The following GFPT2 variants were observed in gnomAD, a reference collection of about 807,000 sequenced individuals.
GFPT2 encodes glutamine--fructose-6-phosphate aminotransferase [isomerizing] 2.
A neutral mutation model predicts 85.6 loss-of-function variants in GFPT2; 62 were observed. The ratio of observed to expected loss-of-function variants is 0.72; its 90% CI spans 0.59 to 0.90. The LOEUF is 0.90. GFPT2 is among the 40% of genes least tolerant of loss of function. GFPT2 has a pLI of 0.00. For missense variants in GFPT2, 788 were observed against 893.4 expected (o/e 0.88, Z 1.50); for synonymous variants, 368 against 344.5 (o/e 1.07, Z -0.75).
chr5:180,306,782 T>C (rs1456463244), intron 16 of GFPT2, among the ~76,000 whole-genome samples: 2 of 152,182 alleles, frequency 1.3e-5, no homozygotes, highest in African/African-American at 2.4e-5. Context: ...TTGAGTGAGA[T>C]ACTTAAGCTT....
chr5:180,345,020 A>T (rs570898399), intron 1 of GFPT2, among the ~76,000 whole-genome samples: 9 of 152,134 alleles, frequency 5.9e-5, no homozygotes, highest in African/African-American at 2.2e-4. Flanking sequence ...CCCACCTCGA[A>T]CCCCAGCTCC....
chr5:180,333,593 C>T (rs13164734), intron 4 of GFPT2, among the ~76,000 whole-genome samples: 13,690 of 152,254 alleles, frequency 0.09, 1,048 homozygotes, highest in African/African-American at 0.21. Context: ...TCATCTCAGT[C>T]TATGATCCTA....
chr5:180,312,543 G>T lies in GFPT2; in HGVS notation c.1433C>A (p.Ala478Asp). ...GPEIGVASTK[A>D]YTSQFISLVM... is the part of the protein sequence containing the mutation. ...CAGAGAGATGAACTGACTGGTATAAGCCTGTGCACAAAGAAGGAGGTGGCA... is the reference window on the plus strand; with the variant it reads ...CAGAGAGATGAACTGACTGGTATAATCCTGTGCACAAAGAAGGAGGTGGCA... Residue 478 changes from alanine to aspartate, a missense_variant and splice_region_variant, in exon 15 of 19, where the codon GCT becomes GAT. Ala to Asp is a moderately radical substitution (Grantham distance 126). Coordinates refer to ENST00000253778, the MANE Select transcript of GFPT2 (RefSeq NM_005110.4). The T allele has an allele frequency of 1.3e-6, 2 of 1,528,220 alleles. No homozygotes were observed. The highest frequency in any genetic ancestry group is 1.8e-6 in the Non-Finnish European group (2 of 1,103,708). The allele number at this position is 1,528,220 out of a possible 1,614,324, so 94.7% of individuals were successfully genotyped here.
At chr5:180,335,634 G>C (rs894078949) in intron 4 of GFPT2, among the ~76,000 whole-genome samples, 194 bp downstream of exon 4, 1 of 152,220 alleles carries the variant, frequency 6.6e-6, no homozygotes, top group African/African-American at 2.4e-5. Context: ...CCTAGGACCA[G>C]GCTGCCTGCC....
At chr5:180,322,429 A>C (rs906609614) in intron 9 of GFPT2, among the ~76,000 whole-genome samples, 1 of 152,152 alleles carries the variant, frequency 6.6e-6, no homozygotes, top group Non-Finnish European at 1.5e-5. Flanking sequence ...TATTTTTGTT[A>C]AAATTTACTC....
chr5:180,311,091 ATTCTC>A (rs1763872279), intron 15 of GFPT2, among the ~76,000 whole-genome samples: 3 of 152,146 alleles, frequency 2.0e-5, no homozygotes, highest in Non-Finnish European at 4.4e-5. Context: ...GGAATTGACC[ATTCTC>A]TATGATGGCC....
rs191541390 is a variant in GFPT2, at chr5:180,310,020, C to A, written c.1546+2410G>T. Among the ~76,000 whole-genome samples, 258 of 151,610 alleles carry A rather than the reference C, an allele frequency of 1.7e-3. 2 individuals carry two copies. The highest frequency in any genetic ancestry group is 6.1e-3 in the African/African-American group (250 of 41,294). On this transcript the variant is annotated intron_variant, in intron 15 of 18. Transcript: ENST00000253778. ...AGAGACGGGGTTTCACCATGTTAGC[C>A]AGGATGGTCTCGATCTCCTGACCTC...
chr5:180,308,826 CT>C (rs756074624), intron 15 of GFPT2, among the ~76,000 whole-genome samples: 12 of 151,720 alleles, frequency 7.9e-5, no homozygotes, highest in Non-Finnish European at 1.8e-4. Flanking sequence ...ATAAAATGTT[CT>C]TTAAAAATCA....
intron 4 of GFPT2, 161 bp from the exon 5 acceptor site, chr5:180,331,714 G>A: frequency 1.5e-6 from 1 of 652,450 alleles, no homozygotes; most frequent in Admixed American, 2.5e-5. Flanking sequence ...GTTTACGGCA[G>A]CAACTACAGT....
At chr5:180,326,498 CAAT>C (rs147273369) in intron 7 of GFPT2, among the ~76,000 whole-genome samples, 1,617 of 152,302 alleles carry the variant, frequency 0.011, 49 homozygotes, top group East Asian at 0.1. Flanking sequence ...TTTTCTTCAA[CAAT>C]AACAGACCTT....
chr5:180,307,445 C>T (rs916228443), intron 15 of GFPT2, 142 bp from the exon 16 acceptor site: 5 of 774,626 alleles, frequency 6.5e-6, no homozygotes, highest in African/African-American at 1.7e-5. Flanking sequence ...TCGTTTCAAA[C>T]GTAGATTACA....
Position 180,330,086 on chromosome 5 carries a change from C to A in GFPT2, c.534+614G>T, listed in dbSNP as rs967840336. On this transcript the variant is annotated intron_variant, in intron 6 of 18. Coordinates refer to ENST00000253778, the MANE Select transcript of GFPT2 (RefSeq NM_005110.4). This position sits in a 1 kb window ranked among gnomAD's most constrained non-coding sequence, Gnocchi z 4.4. ...TGTAAATCCCAGCATTTTGGGAGGC[C>A]AAGGCAGGTGGATCACTTAAAGTCA... Among the ~76,000 whole-genome samples, 2 of 152,318 alleles carry A rather than the reference C, an allele frequency of 1.3e-5. No homozygotes were observed. Among genetic ancestry groups the A allele is most frequent in the Middle Eastern group, 3.4e-3 (1 of 294 alleles).
intron 9 of GFPT2, among the ~76,000 whole-genome samples, chr5:180,319,876 T>C (rs1303630886): frequency 6.6e-6 from 1 of 151,954 alleles, no homozygotes; most frequent in Non-Finnish European, 1.5e-5. Context: ...ACCCAGACAA[T>C]GGGAAACTCA....
intron 1 of GFPT2, among the ~76,000 whole-genome samples, chr5:180,344,682 C>A (rs1023411256): frequency 6.6e-6 from 1 of 152,190 alleles, no homozygotes; most frequent in Non-Finnish European, 1.5e-5. Context: ...TTCTGCTTTC[C>A]ACCGGTGCTT....
intron 7 of GFPT2, among the ~76,000 whole-genome samples, 159 bp from the exon 8 acceptor site, chr5:180,325,054 A>G (rs1764188602): frequency 6.6e-6 from 1 of 152,144 alleles, no homozygotes; most frequent in Admixed American, 6.5e-5. Context: ...CACAGGATGG[A>G]AAGGCCAGCT....
At chr5:180,320,392 T>G (rs576288348) in intron 9 of GFPT2, among the ~76,000 whole-genome samples, 109 of 152,314 alleles carry the variant, frequency 7.2e-4, no homozygotes, top group African/African-American at 2.5e-3. Context: ...ATTTTAAGTT[T>G]GAAAAGTTGC....
At chr5:180,338,046 G>C (rs1047486472) in intron 2 of GFPT2, among the ~76,000 whole-genome samples, 1 of 152,188 alleles carries the variant, frequency 6.6e-6, no homozygotes, top group Non-Finnish European at 1.5e-5. Flanking sequence ...GGTCGCCTGA[G>C]CCCAGGAGCT....
At chr5:180,312,589 T>A (rs895243705) in intron 14 of GFPT2, 45 bp from the exon 15 acceptor site, 4 of 1,012,334 alleles carry the variant, frequency 4.0e-6, no homozygotes, top group Admixed American at 3.4e-5. Flanking sequence ...TTTCACTTTT[T>A]AAATCAACTT....
chr5:180,336,845 C>T (rs535498338), intron 2 of GFPT2, among the ~76,000 whole-genome samples: 1 of 152,268 alleles, frequency 6.6e-6, no homozygotes, highest in African/African-American at 2.4e-5. Context: ...CGGGACACTT[C>T]CCCGCTGCAG....
Sources: gnomAD v4.1 joint callset for allele counts (sites outside exome capture counted in the v4.1 genomes callset) on GRCh38, gnomAD v4.1.1 for gene constraint, Gnocchi (gnomAD v3.1) non-coding constraint, MANE v1.5 for transcripts, NCBI Gene and HGNC (gene_info 2026-07-23, HGNC 2026-07-21) for gene names.